NAA15: variants seen among roughly 807,000 people sequenced by gnomAD.
NAA15 encodes the protein N-alpha-acetyltransferase 15, NatA auxiliary subunit, also known as N-terminal acetyltransferase.
NAA15 carries 34 observed loss-of-function variants against 114.0 expected under a neutral mutation model. The ratio of observed to expected loss-of-function variants is 0.30; its 90% confidence interval spans 0.23 to 0.40. The LOEUF (loss-of-function observed/expected upper bound fraction) is 0.40, where lower values mean the gene tolerates loss of function less well. Among genes scored for constraint, NAA15 ranks in the 10% least tolerant of loss-of-function variants. The pLI, the probability that NAA15 is intolerant of heterozygous loss-of-function variation, is 1.00. For missense variants in NAA15, 658 were observed against 1,004.5 expected, an observed-to-expected ratio of 0.66 and a Z score of 4.66; for synonymous variants, 340 against 338.0, an observed-to-expected ratio of 1.01 and a Z score of -0.06.
Position 139,352,662 on chromosome 4 carries a change from C to CTTTT in NAA15, c.1014+1070_1014+1073dup, listed in dbSNP as rs746490411. Among the ~76,000 whole-genome samples, 543 of 103,282 alleles carry CTTTT rather than the reference C, an allele frequency of 5.3e-3. 2 individuals are homozygous for CTTTT. The highest frequency in any genetic ancestry group is 7.2e-3 in the Non-Finnish European group (387 of 53,542). The allele number at this position is 103,282 out of a possible 152,430, so 67.8% of individuals were successfully genotyped here. A position where few individuals can be genotyped will look rare whatever the true frequency, so the allele number is the denominator to read the frequency against. On this transcript the variant is annotated intron_variant, in intron 9 of 19. Transcript: ENST00000296543. ...TGCATAAATCACATCCATAAAATAT[C>CTTTT]TTTTTTTTTTTTTTTTTTTTTTGAG...
In NAA15 at chr4:139,349,447, T is replaced by C. The variant is rs532112754; in HGVS notation, c.692-15T>C. On this transcript the variant is annotated splice_polypyrimidine_tract_variant and intron_variant, in intron 6 of 19. Coordinates refer to ENST00000296543, the MANE Select transcript of NAA15 (RefSeq NM_057175.5). ...CTCAGATATTAAAATTTTTTTTTTT[T>C]CTGTTTTTAATCAGGGGAACTTCTG... 1.0e-5 allele frequency: 16 copies of C among 1,533,756 alleles called. No individual in the cohort carries two copies. In the South Asian group the frequency reaches 1.5e-4, roughly 15 times the overall value.
intron 1 of NAA15, among the ~76,000 whole-genome samples, chr4:139,308,521 A>C (rs901004760): frequency 1.3e-5 from 2 of 152,222 alleles, no homozygotes; most frequent in African/African-American, 4.8e-5. Context: ...TATATTTAGA[A>C]TATAACAAAA....
intron 1 of NAA15, among the ~76,000 whole-genome samples, chr4:139,309,609 G>A (rs1039226686): frequency 6.6e-6 from 1 of 152,020 alleles, no homozygotes; most frequent in African/African-American, 2.4e-5. Flanking sequence ...TCTTTCTGGA[G>A]TGAGATGCAG....
Position 139,378,744 on chromosome 4 carries a change from C to A in NAA15, c.2057-12C>A, listed in dbSNP as rs755820121. 1 of 1,511,994 alleles carries A rather than the reference C, an allele frequency of 6.6e-7. No individual in the cohort carries two copies. Among genetic ancestry groups the A allele is most frequent in the South Asian group, 1.2e-5 (1 of 80,112 alleles). 93.7% of individuals were successfully genotyped at this position (1,511,994 alleles called of 1,614,324 possible). On this transcript the variant is annotated splice_polypyrimidine_tract_variant and intron_variant, in intron 16 of 19. Coordinates refer to ENST00000296543, the MANE Select transcript of NAA15 (RefSeq NM_057175.5). ...CAATGATCAAAATATATCTTACTTTCTCTTTTTATAGAAAAGTTTCTTTTG... is the reference window on the plus strand; with the variant it reads ...CAATGATCAAAATATATCTTACTTTATCTTTTTATAGAAAAGTTTCTTTTG...
intron 14 of NAA15, 118 bp from the exon 15 acceptor site, chr4:139,370,093 C>T (rs1469455170): frequency 2.4e-6 from 2 of 832,512 alleles, no homozygotes; most frequent in Non-Finnish European, 3.4e-6. Context: ...GCATGAGACG[C>T]CATGCCCAGC....
rs35008407 is a variant in NAA15, at chr4:139,385,283, A to AATATAT, written c.2302+317_2302+322dup. Among the ~76,000 whole-genome samples the AATATAT allele has an allele frequency of 1.7e-3, 168 of 100,470 alleles. 8 individuals carry two copies. Among genetic ancestry groups the AATATAT allele is most frequent in the African/African-American group, 5.5e-3 (147 of 26,716 alleles). The allele number at this position is 100,470 out of a possible 152,430, so 65.9% of individuals were successfully genotyped here. On this transcript the variant is annotated intron_variant, in intron 18 of 19. Transcript: ENST00000296543. Reference sequence around the variant, plus strand: ...AACAAAACCAAACATATATATATATAATATATATATATATATAATATATAT... The same window carrying AATATAT: ...AACAAAACCAAACATATATATATATAATATATATATATATATATATATAATATATAT...
intron 17 of NAA15, among the ~76,000 whole-genome samples, chr4:139,380,044 C>G (rs1227738379): frequency 6.6e-6 from 1 of 152,022 alleles, no homozygotes; most frequent in Non-Finnish European, 1.5e-5. Flanking sequence ...GACTCCGTCT[C>G]AAAAAAACAA....
At chr4:139,315,008 T>G (rs867741362) in intron 1 of NAA15, among the ~76,000 whole-genome samples, 1,670 of 96,526 alleles carry the variant, frequency 0.017, 73 homozygotes, top group Admixed American at 0.03. Flanking sequence ...CAGTTTAGTT[T>G]AGGTTAGGTT....
chr4:139,371,484 AAAAAG>A (rs1560978412), intron 15 of NAA15, among the ~76,000 whole-genome samples: 1 of 139,684 alleles, frequency 7.2e-6, no homozygotes, highest in East Asian at 2.2e-4. Context: ...TAAAAAAAAA[AAAAAG>A]AAAAGTAGCA....
chr4:139,329,593 T>C (rs938898298), intron 1 of NAA15, among the ~76,000 whole-genome samples: 1 of 152,210 alleles, frequency 6.6e-6, no homozygotes, highest in African/African-American at 2.4e-5. Context: ...CAGTATTTAC[T>C]GAATTCTACA....
chr4:139,376,504 A>G (rs1322322601), intron 16 of NAA15, 31 bp downstream of exon 16: 2 of 1,273,366 alleles, frequency 1.6e-6, no homozygotes, highest in South Asian at 1.2e-5. Context: ...GGCCCTGACA[A>G]AACTGATCAC....
intron 15 of NAA15, among the ~76,000 whole-genome samples, chr4:139,372,076 C>T (rs567514102): frequency 5.3e-5 from 8 of 151,960 alleles, no homozygotes; most frequent in South Asian, 4.1e-4. Flanking sequence ...CCACCATGCC[C>T]GGCTAATTTT....
intron 14 of NAA15, among the ~76,000 whole-genome samples, chr4:139,366,863 C>G (rs1171484245): frequency 6.6e-6 from 1 of 152,192 alleles, no homozygotes; most frequent in African/African-American, 2.4e-5. Flanking sequence ...CTTGCCTTGG[C>G]CTCCCAAAGT....
intron 19 of NAA15, among the ~76,000 whole-genome samples, chr4:139,387,012 C>T (rs553915353): frequency 2.6e-4 from 39 of 152,064 alleles, no homozygotes; most frequent in Non-Finnish European, 5.4e-4. Context: ...TGCTGAAAGA[C>T]AGTTATTAAT....
intron 1 of NAA15, among the ~76,000 whole-genome samples, chr4:139,303,678 T>G (rs930593675): frequency 6.6e-6 from 1 of 152,098 alleles, no homozygotes; most frequent in Non-Finnish European, 1.5e-5. Context: ...TCGCCTGTAG[T>G]CCCAGCTACT....
At chr4:139,332,589 T>G (rs1316399915) in intron 1 of NAA15, among the ~76,000 whole-genome samples, 2 of 129,494 alleles carry the variant, frequency 1.5e-5, no homozygotes, top group Admixed American at 7.5e-5. Context: ...TTTTTTTTTT[T>G]TTTTTTTTTT....
At chr4:139,335,204 ATC>A (rs746375014) in intron 2 of NAA15, among the ~76,000 whole-genome samples, 24 of 152,270 alleles carry the variant, frequency 1.6e-4, no homozygotes, top group Admixed American at 1.2e-3. Flanking sequence ...AAATAAATTT[ATC>A]TCTCTTTTTC....
intron 17 of NAA15, among the ~76,000 whole-genome samples, chr4:139,382,184 T>A (rs1024168877): frequency 1.3e-5 from 2 of 152,112 alleles, no homozygotes; most frequent in African/African-American, 4.8e-5. Flanking sequence ...ACATTCTGGG[T>A]TTTACTGCAG....
At chr4:139,345,649 G>A (rs1019601308) in intron 6 of NAA15, among the ~76,000 whole-genome samples, 4 of 152,266 alleles carry the variant, frequency 2.6e-5, no homozygotes, top group South Asian at 2.1e-4. Context: ...GGCCGGGCGC[G>A]GTGGCTCAAC....
Sources: allele counts gnomAD v4.1 joint callset (sites outside exome capture counted in the v4.1 genomes callset), GRCh38; gene constraint gnomAD v4.1.1; transcripts MANE v1.5; gene names NCBI Gene and HGNC (gene_info 2026-07-23, HGNC 2026-07-21).